The following DAB1 variants were observed in gnomAD, a reference collection of about 807,000 sequenced individuals.
The protein encoded by DAB1 is disabled homolog 1.
DAB1 carries 15 observed loss-of-function variants against 64.6 expected under a neutral mutation model. The observed-to-expected ratio is 0.23, with a 90% CI of 0.16 to 0.36. DAB1 has a LOEUF of 0.36. Among genes scored for constraint, DAB1 ranks in the 10% least tolerant of loss-of-function variants. The probability of loss-of-function intolerance (pLI) is 1.00; values close to 1 mark genes in which losing one functional copy is unlikely to be tolerated. For missense variants in DAB1, 596 were observed against 706.7 expected, an observed-to-expected ratio of 0.84 and a Z score of 1.78; for synonymous variants, 235 against 251.9, an observed-to-expected ratio of 0.93 and a Z score of 0.64.
intron 5 of DAB1, among the ~76,000 whole-genome samples, chr1:57,914,583 A>G (rs1569982215): frequency 6.6e-6 from 1 of 152,336 alleles, no homozygotes; most frequent in East Asian, 1.9e-4. Flanking sequence ...ACAACAAAAA[A>G]AAGAATCCTA....
chr1:57,842,237 C>A (rs1300533433), intron 1 of DAB1, among the ~76,000 whole-genome samples: 1 of 152,288 alleles, frequency 6.6e-6, no homozygotes, highest in African/African-American at 2.4e-5. Flanking sequence ...CCAGTAAGTT[C>A]TTCATCTCCA....
chr1:58,121,134 C>T (rs1652711362), intron 5 of DAB1, among the ~76,000 whole-genome samples: 1 of 152,014 alleles, frequency 6.6e-6, no homozygotes, highest in African/African-American at 2.4e-5. Context: ...TTTCCCAGCT[C>T]ATCAACTAGC....
chr1:58,530,890 C>T (rs926409378), intron 1 of DAB1, among the ~76,000 whole-genome samples: 2 of 152,044 alleles, frequency 1.3e-5, no homozygotes, highest in African/African-American at 4.8e-5. Flanking sequence ...TCTGTTTTTC[C>T]CTTCCTTGGT....
intron 6 of DAB1, among the ~76,000 whole-genome samples, chr1:57,662,179 C>G (rs905565926): frequency 1.3e-5 from 2 of 151,666 alleles, no homozygotes; most frequent in African/African-American, 2.4e-5. Context: ...GAATGTTGTT[C>G]TTTGTTTGTT....
chr1:57,945,610 T>A (rs965038218), intron 5 of DAB1, among the ~76,000 whole-genome samples: 1 of 152,100 alleles, frequency 6.6e-6, no homozygotes, highest in Non-Finnish European at 1.5e-5. Context: ...TTCTACTGAA[T>A]GAGAGGTTGA....
At chr1:57,731,422 A>G (rs1647409144) in intron 6 of DAB1, among the ~76,000 whole-genome samples, 1 of 152,196 alleles carries the variant, frequency 6.6e-6, no homozygotes, top group Non-Finnish European at 1.5e-5. Context: ...AACAATGTGA[A>G]TTCTACAGAA....
intron 7 of DAB1, among the ~76,000 whole-genome samples, chr1:57,549,218 G>A (rs1344022524): frequency 6.6e-6 from 1 of 152,148 alleles, no homozygotes; most frequent in South Asian, 2.1e-4. Flanking sequence ...CTAAGATACA[G>A]CTGTTAAAGA....
At chr1:58,175,576 T>C (rs1656421768) in intron 4 of DAB1, among the ~76,000 whole-genome samples, 1 of 152,242 alleles carries the variant, frequency 6.6e-6, no homozygotes, top group South Asian at 2.1e-4. Context: ...CTAGTGATGT[T>C]CATACTCTTT....
intron 4 of DAB1, among the ~76,000 whole-genome samples, chr1:58,300,650 AAGGAAGGAAGG>A (rs1662144034): frequency 6.3e-5 from 3 of 47,376 alleles, no homozygotes; most frequent in Admixed American, 4.0e-4. Context: ...GAGAGAGAGG[AAGGAAGGAAGG>A]AAGGAAGGAA....
chr1:57,234,694 T>G (rs996280256), intron 2 of DAB1, among the ~76,000 whole-genome samples: 2 of 152,280 alleles, frequency 1.3e-5, no homozygotes, highest in Non-Finnish European at 2.9e-5. Context: ...AGGGTCTCAC[T>G]AGGCCAAAAT....
chr1:57,059,442 C>T (rs1650159858), intron 9 of DAB1, among the ~76,000 whole-genome samples: 1 of 152,116 alleles, frequency 6.6e-6, no homozygotes, highest in African/African-American at 2.4e-5. Context: ...AGTCTTACGA[C>T]TTTCTGGAAG....
At chr1:57,338,916 G>C (rs1677320380) in intron 1 of DAB1, among the ~76,000 whole-genome samples, 1 of 152,144 alleles carries the variant, frequency 6.6e-6, no homozygotes, top group African/African-American at 2.4e-5. Flanking sequence ...TAAATATTTA[G>C]AAGCTATAAG....
chr1:56,999,992 A>C (rs1216844600), intron 14 of DAB1, among the ~76,000 whole-genome samples: 1 of 149,250 alleles, frequency 6.7e-6, no homozygotes, highest in Non-Finnish European at 1.5e-5. Flanking sequence ...ACGGAAGCCC[A>C]TTCTTCCATG....
At chr1:57,261,728 C>T (rs1324208867) in intron 2 of DAB1, among the ~76,000 whole-genome samples, 1 of 152,156 alleles carries the variant, frequency 6.6e-6, no homozygotes, top group Non-Finnish European at 1.5e-5. Flanking sequence ...AGCAGAGTGA[C>T]TTTGGACAAG....
At chr1:58,475,188 C>T (rs1425659317) in intron 3 of DAB1, among the ~76,000 whole-genome samples, 1 of 152,146 alleles carries the variant, frequency 6.6e-6, no homozygotes, top group Admixed American at 6.5e-5. Flanking sequence ...CTGAGTCTTG[C>T]TCTGTCACTC....
At chr1:57,791,828 G>T (rs1650614789) in intron 6 of DAB1, among the ~76,000 whole-genome samples, 1 of 152,166 alleles carries the variant, frequency 6.6e-6, no homozygotes, top group African/African-American at 2.4e-5. Context: ...AGACACACCA[G>T]TTAATCACCC....
chr1:57,145,532 C>T lies in DAB1; in HGVS notation c.68-103G>A, dbSNP rs946431440. 1.2e-4 allele frequency: 149 copies of T among 1,253,018 alleles called. 1 individual carries two copies. The highest frequency in any genetic ancestry group is 2.3e-4 in the South Asian group (16 of 68,332). The allele number at this position is 1,253,018 out of a possible 1,614,324, so 77.6% of individuals were successfully genotyped here. A position where few individuals can be genotyped will look rare whatever the true frequency, so the allele number is the denominator to read the frequency against. Reference sequence around the variant, plus strand: ...CGCTGTCTGGTTTCATCTACATTCCCGGAAAGTCAAATCACTGGACTCAGG... The same window carrying T: ...CGCTGTCTGGTTTCATCTACATTCCTGGAAAGTCAAATCACTGGACTCAGG... On this transcript the variant is annotated intron_variant, in intron 2 of 14. Transcript: ENST00000371236.
chr1:58,544,999 T>C (rs1407318260), intron 1 of DAB1, among the ~76,000 whole-genome samples: 3 of 152,182 alleles, frequency 2.0e-5, no homozygotes, highest in Admixed American at 2.0e-4. Context: ...CACTGCGAAG[T>C]GTTGGGATTA....
At chr1:58,183,787 A>G (rs1222607096) in intron 4 of DAB1, among the ~76,000 whole-genome samples, 2 of 151,882 alleles carry the variant, frequency 1.3e-5, no homozygotes, top group Non-Finnish European at 2.9e-5. Flanking sequence ...TATTTGACTA[A>G]TTCTGTAGAA....
Sources: allele counts gnomAD v4.1 joint callset (sites outside exome capture counted in the v4.1 genomes callset), GRCh38; gene constraint gnomAD v4.1.1; transcripts MANE v1.5; gene names NCBI Gene and HGNC (gene_info 2026-07-23, HGNC 2026-07-21).